ZFHX3: variants seen among roughly 807,000 people sequenced by gnomAD.
The protein encoded by ZFHX3 is zinc finger homeobox protein 3.
A neutral mutation model predicts 279.1 loss-of-function variants in ZFHX3; 42 were observed. The ratio of observed to expected loss-of-function variants is 0.15; its 90% CI spans 0.12 to 0.19. The LOEUF (loss-of-function observed/expected upper bound fraction) is 0.19, where lower values mean the gene tolerates loss of function less well. Among genes scored for constraint, ZFHX3 ranks in the 10% least tolerant of loss-of-function variants. The pLI is 1.00. For synonymous variants in ZFHX3, 2,293 were observed against 1,957.8 expected (o/e 1.17, Z -4.52); for missense variants, 4,981 against 4,754.0 (o/e 1.05, Z -1.40).
chr16:73,076,163 A>AG (rs975380978), intron 8 of ZFHX3, among the ~76,000 whole-genome samples: 1 of 152,170 alleles, frequency 6.6e-6, no homozygotes, highest in Non-Finnish European at 1.5e-5. Context: ...TGGCACATGG[A>AG]GGGGGGTCAA....
At chr16:73,269,127 T>C (rs1050480978) in intron 4 of ZFHX3, among the ~76,000 whole-genome samples, 1 of 152,244 alleles carries the variant, frequency 6.6e-6, no homozygotes, top group African/African-American at 2.4e-5. Flanking sequence ...TTGGTATTGA[T>C]CATTTATTGA....
intron 1 of ZFHX3, among the ~76,000 whole-genome samples, chr16:73,751,519 ATGTGTTTATG>A (rs2053762023): frequency 2.0e-5 from 2 of 102,068 alleles, no homozygotes; most frequent in East Asian, 1.0e-3. Flanking sequence ...ATATGTGTAT[ATGTGTTTATG>A]TGTGTGTGTG....
chr16:73,053,063 C>G (rs1035560985), upstream of ZFHX3, among the ~76,000 whole-genome samples: 6 of 152,172 alleles, frequency 3.9e-5, no homozygotes, highest in Non-Finnish European at 8.8e-5. Flanking sequence ...CCTATTATTT[C>G]TAAACCTAAA....
intron 2 of ZFHX3, among the ~76,000 whole-genome samples, chr16:73,517,288 T>C (rs963687297): frequency 3.3e-5 from 5 of 152,232 alleles, no homozygotes; most frequent in Admixed American, 6.5e-5. Flanking sequence ...CCTCTATGGC[T>C]CACTCATTTC....
chr16:73,715,817 C>A (rs2053409265), intron 1 of ZFHX3, among the ~76,000 whole-genome samples: 1 of 151,868 alleles, frequency 6.6e-6, no homozygotes, highest in Non-Finnish European at 1.5e-5. Context: ...CGTGATCCAC[C>A]CACCTCAGGC....
At chr16:72,930,665 T>C (rs1269186932) in intron 3 of ZFHX3, among the ~76,000 whole-genome samples, 2 of 152,176 alleles carry the variant, frequency 1.3e-5, no homozygotes, top group Admixed American at 1.3e-4. Context: ...CCACTGCCAA[T>C]AGTGAATAAC....
At chr16:72,844,505 GCA>G (rs2037427729) in intron 4 of ZFHX3, among the ~76,000 whole-genome samples, 1 of 151,924 alleles carries the variant, frequency 6.6e-6, no homozygotes, top group Non-Finnish European at 1.5e-5. Context: ...CCAGCACACA[GCA>G]CACAGACCTC....
chr16:73,704,736 G>A (rs2053287026), intron 1 of ZFHX3, among the ~76,000 whole-genome samples: 1 of 152,200 alleles, frequency 6.6e-6, no homozygotes, highest in Non-Finnish European at 1.5e-5. Flanking sequence ...TGAGCCAGAG[G>A]AGCCGGGGTA....
At chr16:73,452,327 G>A (rs944043098) in intron 3 of ZFHX3, among the ~76,000 whole-genome samples, 1 of 152,128 alleles carries the variant, frequency 6.6e-6, no homozygotes, top group Non-Finnish European at 1.5e-5. Context: ...ACATTAATGA[G>A]ATTTTAATTT....
rs181127220 is a variant in ZFHX3 at position 73,101,562 on chromosome 16, A to G, written c.-896-7964T>C. On this transcript the variant is annotated intron_variant, in intron 7 of 17. Transcript: ENST00000641206. The stretch of plus-strand genomic sequence containing the variant: ...CCCAGCTAATTTTTTAAATTTTTTT[A>G]AATTTTTTTTTTTATTTTTAGTAGA... Among the ~76,000 whole-genome samples the G allele has an allele frequency of 1.4e-4, 21 of 151,770 alleles. No individual in the cohort carries two copies. In the Middle Eastern group the frequency reaches 0.014, roughly 98 times the overall value.
intron 2 of ZFHX3, among the ~76,000 whole-genome samples, chr16:73,489,148 A>G (rs555176933): frequency 1.3e-5 from 2 of 152,340 alleles, no homozygotes; most frequent in South Asian, 2.1e-4. Flanking sequence ...TACCTAAAAT[A>G]TATTAATTAG....
chr16:72,795,344 C>A lies in ZFHX3; in HGVS notation c.7338G>T (p.Lys2446Asn), dbSNP rs776643264. ...GCAGCTCTGGCTTTGGTTGTCCTTG[C>A]TTTTCTTGGGTTTGGTTTGGCTGTG... is the stretch of plus-strand genomic sequence containing the variant. ...PSAQPNQTQE[K>N]QGQPKPELQQ... Residue 2446 changes from lysine to asparagine, a missense_variant, in exon 9 of 10, where the codon AAG (lysine) becomes AAT (asparagine). By Grantham distance (94) the Lys-to-Asn change is moderately conservative (BLOSUM62 0). Around this residue, in one of 7 missense-constraint regions of ZFHX3, gnomAD observed 744 missense variants for 701.3 expected, o/e 1.06. Transcript: ENST00000268489. 6.2e-7 allele frequency: 1 copy of A among 1,614,056 alleles called. No individual in the cohort carries two copies. The highest frequency in any genetic ancestry group is 8.5e-7 in the Non-Finnish European group (1 of 1,180,016).
rs2144454596 is a variant in ZFHX3, at chr16:72,959,661, C to T, written c.485G>A (p.Gly162Asp). 1 of 1,613,860 alleles carries T rather than the reference C, an allele frequency of 6.2e-7. No homozygotes were observed. Among genetic ancestry groups the T allele is most frequent in the Non-Finnish European group, 8.5e-7 (1 of 1,179,956 alleles). Residue 162 changes from glycine to aspartate, a missense_variant, in exon 2 of 10, where the codon GGC (glycine) becomes GAC (aspartate). Around this residue, in one of 7 missense-constraint regions of ZFHX3, gnomAD observed 1,068 missense variants for 935.2 expected, o/e 1.14. Transcript: ENST00000268489. ...QGGGACGSGS[G>D]SGPLPSLFLN... is the part of the protein sequence containing the mutation. ...GAAAAGCGAGGGGAGAGGCCCACTGCCACTGCCACTCCCACAGGCGCCCCC... is the reference window on the plus strand; with the variant it reads ...GAAAAGCGAGGGGAGAGGCCCACTGTCACTGCCACTCCCACAGGCGCCCCC...
intron 3 of ZFHX3, among the ~76,000 whole-genome samples, chr16:72,932,450 T>C (rs1353265848): frequency 6.6e-6 from 1 of 151,110 alleles, no homozygotes; most frequent in Non-Finnish European, 1.5e-5. Flanking sequence ...GGAGAGGAGA[T>C]GGAGATATCC....
intron 8 of ZFHX3, among the ~76,000 whole-genome samples, chr16:73,084,160 A>G (rs1965981226): frequency 6.6e-6 from 1 of 152,238 alleles, no homozygotes. Context: ...AATGTCATCA[A>G]TGAAAGCCTT....
At chr16:73,498,746 T>C (rs1241435018) in intron 2 of ZFHX3, among the ~76,000 whole-genome samples, 1 of 152,136 alleles carries the variant, frequency 6.6e-6, no homozygotes, top group Non-Finnish European at 1.5e-5. Context: ...CAAGGCCTCA[T>C]CTGAGCCGGG....
chr16:73,606,122 C>T (rs1273683527), intron 2 of ZFHX3, among the ~76,000 whole-genome samples: 4 of 127,918 alleles, frequency 3.1e-5, no homozygotes, highest in Non-Finnish European at 4.7e-5. Flanking sequence ...GTGGAGCTTG[C>T]AGTGAGCCGA....
chr16:72,810,642 C>T (rs1246087434), intron 7 of ZFHX3, among the ~76,000 whole-genome samples: 1 of 152,232 alleles, frequency 6.6e-6, no homozygotes, highest in African/African-American at 2.4e-5. Context: ...CTTTCAAAAT[C>T]TGCAGTTGTA....
rs2035817979 is a variant in ZFHX3 at position 72,794,228 on chromosome 16, C to T, written c.8454G>A (p.Met2818Ile). The change falls in exon 9 of 10, where the codon ATG (methionine) becomes ATA (isoleucine). Residue 2818 changes from methionine (M) to isoleucine (I), a missense_variant. This residue lies in a region of ZFHX3 where 744 missense variants were observed against 701.3 expected (regional missense o/e 1.06). Transcript: ENST00000268489. The surrounding 1 kb of genome is among the most constrained non-coding windows in gnomAD (Gnocchi z 4.2). ...EGIEDFESPS[M>I]SSVNLNFDQT... ...GGTCAAAGTTTAGATTAACTGAGGA[C>T]ATGGAGGGGCTTTCAAAGTCTTCAA... 1 of 1,614,158 alleles carries T rather than the reference C, an allele frequency of 6.2e-7. No homozygotes were observed. The highest frequency in any genetic ancestry group is 1.3e-5 in the African/African-American group (1 of 75,022).
Sources: allele counts gnomAD v4.1 joint callset (sites outside exome capture counted in the v4.1 genomes callset), GRCh38; gene constraint gnomAD v4.1.1; regional missense constraint gnomAD v4.1.1; non-coding constraint Gnocchi (gnomAD v3.1); transcripts MANE v1.5; gene names NCBI Gene and HGNC (gene_info 2026-07-23, HGNC 2026-07-21).